ST8SIA4: variants seen among roughly 807,000 people sequenced by gnomAD.
ST8SIA4 encodes the protein CMP-N-acetylneuraminate-poly-alpha-2,8-sialyltransferase.
Under a neutral mutation model 33.9 loss-of-function variants are expected in ST8SIA4, and 15 were observed. The ratio of observed to expected loss-of-function variants is 0.44; its 90% CI spans 0.30 to 0.68. The LOEUF is 0.68. Ranked by LOEUF, ST8SIA4 falls within the 30% of genes least tolerant of loss-of-function variation. ST8SIA4 has a pLI of 0.10. For missense variants in ST8SIA4, 321 were observed against 428.0 expected, an observed-to-expected ratio of 0.75 and a Z score of 2.21; for synonymous variants, 171 against 151.2, an observed-to-expected ratio of 1.13 and a Z score of -0.96.
intron 4 of ST8SIA4, among the ~76,000 whole-genome samples, chr5:100,826,584 G>A (rs1321597704): frequency 2.0e-5 from 3 of 152,120 alleles, no homozygotes; most frequent in Non-Finnish European, 4.4e-5. Context: ...GGTATTTGGG[G>A]ATATGCAAGT....
chr5:100,864,304 G>A (rs1224618798), intron 3 of ST8SIA4, among the ~76,000 whole-genome samples: 1 of 152,098 alleles, frequency 6.6e-6, no homozygotes, highest in Middle Eastern at 3.2e-3. Context: ...GCCGGGTGCG[G>A]TGGCTCACGC....
chr5:100,867,775 T>G (rs1051427942), intron 3 of ST8SIA4, among the ~76,000 whole-genome samples: 1 of 152,028 alleles, frequency 6.6e-6, no homozygotes, highest in African/African-American at 2.4e-5. Flanking sequence ...GTATATATTA[T>G]TTATTCAATA....
intron 4 of ST8SIA4, among the ~76,000 whole-genome samples, chr5:100,834,916 A>G (rs1011340601): frequency 6.6e-6 from 1 of 152,128 alleles, no homozygotes; most frequent in African/African-American, 2.4e-5. Context: ...TTATTTATAA[A>G]TTACCCAGCC....
At chr5:100,816,473 A>C (rs1369812088) in intron 4 of ST8SIA4, 2 of 517,240 alleles carry the variant, frequency 3.9e-6, no homozygotes, top group African/African-American at 2.0e-5. Context: ...GAAGTCTAAA[A>C]GTTTAGAAGT....
chr5:100,828,850 T>G (rs1378092787), intron 4 of ST8SIA4, among the ~76,000 whole-genome samples: 1 of 152,162 alleles, frequency 6.6e-6, no homozygotes, highest in Non-Finnish European at 1.5e-5. Flanking sequence ...AGGCCCATAT[T>G]CCTGGGAAAT....
At chr5:100,819,661 T>A (rs1750998840) in intron 4 of ST8SIA4, among the ~76,000 whole-genome samples, 1 of 152,140 alleles carries the variant, frequency 6.6e-6, no homozygotes, top group Non-Finnish European at 1.5e-5. Flanking sequence ...TGAGTTTTGA[T>A]CAAGAAAATC....
At chr5:100,832,623 T>G (rs1206194395) in intron 4 of ST8SIA4, among the ~76,000 whole-genome samples, 2 of 152,160 alleles carry the variant, frequency 1.3e-5, no homozygotes, top group African/African-American at 4.8e-5. Context: ...CACATATATC[T>G]CTTTCCTTCT....
rs765471976 is a variant in ST8SIA4, at chr5:100,895,764, A to T, written c.135T>A (p.Ser45Arg). 1.2e-6 allele frequency: 2 copies of T among 1,612,380 alleles called. No individual in the cohort carries two copies. Among genetic ancestry groups the T allele is most frequent in the South Asian group, 2.2e-5 (2 of 90,886 alleles). ...QLIGDGELSL[S>R]RSLVNSSDKI... ...TATCAGAGCTATTGACAAGTGACCG[A>T]CTCAAAGACAATTCACCATCTCTGA... The change falls in exon 2 of 5, where the codon AGT (serine) becomes AGA (arginine). Residue 45 changes from serine (S) to arginine (R), a missense_variant. Coordinates refer to ENST00000231461, the MANE Select transcript of ST8SIA4 (RefSeq NM_005668.6).
intron 4 of ST8SIA4, among the ~76,000 whole-genome samples, chr5:100,837,024 A>G (rs1457159997): frequency 6.6e-6 from 1 of 151,344 alleles, no homozygotes. Flanking sequence ...ACACACACAC[A>G]CACACACCGT....
intron 1 of ST8SIA4, among the ~76,000 whole-genome samples, chr5:100,897,622 G>A (rs1752807008): frequency 1.3e-5 from 2 of 152,012 alleles, no homozygotes; most frequent in Admixed American, 1.3e-4. Flanking sequence ...GCTATTCGAT[G>A]AATTCTGTAA....
chr5:100,825,919 C>T (rs1439456417), intron 4 of ST8SIA4, among the ~76,000 whole-genome samples: 1 of 151,976 alleles, frequency 6.6e-6, no homozygotes, highest in East Asian at 1.9e-4. Flanking sequence ...ATATTAGGGT[C>T]AAAAAATACA....
At chr5:100,835,639 C>T (rs1344582295) in intron 4 of ST8SIA4, among the ~76,000 whole-genome samples, 2 of 152,202 alleles carry the variant, frequency 1.3e-5, no homozygotes. Flanking sequence ...AATATAAAAA[C>T]GTCATTATAG....
chr5:100,859,611 C>T (rs1333261363), intron 3 of ST8SIA4, among the ~76,000 whole-genome samples: 2 of 152,082 alleles, frequency 1.3e-5, no homozygotes, highest in East Asian at 1.9e-4. Context: ...CCACTGTATT[C>T]TAAGCCTCTG....
intron 3 of ST8SIA4, among the ~76,000 whole-genome samples, chr5:100,871,680 CA>C (rs1449250985): frequency 6.6e-6 from 1 of 152,032 alleles, no homozygotes; most frequent in Non-Finnish European, 1.5e-5. Flanking sequence ...TTAGAAAATG[CA>C]GTGCCAATTT....
chr5:100,819,673 A>G (rs1055474392), intron 4 of ST8SIA4, among the ~76,000 whole-genome samples: 1 of 152,202 alleles, frequency 6.6e-6, no homozygotes, highest in Non-Finnish European at 1.5e-5. Flanking sequence ...AAGAAAATCA[A>G]TTTAAAAAAT....
chr5:100,855,605 T>C (rs915374065), intron 4 of ST8SIA4, among the ~76,000 whole-genome samples: 2 of 152,212 alleles, frequency 1.3e-5, no homozygotes, highest in African/African-American at 4.8e-5. Flanking sequence ...GTTGGCTTAA[T>C]TCATTAAAAC....
chr5:100,871,694 A>G (rs1430267349), intron 3 of ST8SIA4, among the ~76,000 whole-genome samples: 2 of 152,072 alleles, frequency 1.3e-5, no homozygotes, highest in African/African-American at 4.8e-5. Flanking sequence ...GCCAATTTTA[A>G]GTTTTACCTA....
chr5:100,823,957 T>C (rs1033448106), intron 4 of ST8SIA4, among the ~76,000 whole-genome samples: 1 of 152,228 alleles, frequency 6.6e-6, no homozygotes, highest in Non-Finnish European at 1.5e-5. Context: ...TAACTCAGAC[T>C]TTATAACAAT....
At chr5:100,828,908 T>C (rs2112412187) in intron 4 of ST8SIA4, among the ~76,000 whole-genome samples, 1 of 152,310 alleles carries the variant, frequency 6.6e-6, no homozygotes, top group East Asian at 1.9e-4. Context: ...AGCTTAATTA[T>C]TGCAGCCAGG....
Sources: gnomAD v4.1 joint callset for allele counts (sites outside exome capture counted in the v4.1 genomes callset) on GRCh38, gnomAD v4.1.1 for gene constraint, MANE v1.5 for transcripts, NCBI Gene and HGNC (gene_info 2026-07-23, HGNC 2026-07-21) for gene names.